AGTPBP1: variants seen among roughly 807,000 people sequenced by gnomAD.
The protein encoded by AGTPBP1 is ATP/GTP binding carboxypeptidase 1, also known as cytosolic carboxypeptidase 1.
In AGTPBP1, 70 loss-of-function variants were observed where a neutral mutation model predicts 143.9. The ratio of observed to expected loss-of-function variants is 0.49; its 90% CI spans 0.40 to 0.59. The LOEUF (loss-of-function observed/expected upper bound fraction) is 0.59. Among genes scored for constraint, AGTPBP1 ranks in the 20% least tolerant of loss-of-function variants. AGTPBP1 has a pLI of 0.00. For missense variants in AGTPBP1, 1,229 were observed against 1,464.5 expected (o/e 0.84, Z 2.62); for synonymous variants, 463 against 500.2 (o/e 0.93, Z 0.99).
At chr9:85,789,816 TG>T in the AGTPBP1 span, among the ~76,000 whole-genome samples, 1 of 152,150 alleles carries the variant, frequency 6.6e-6, no homozygotes, top group Non-Finnish European at 1.5e-5. Context: ...TAGAAAAAAA[TG>T]AAAGTCTTAT....
the AGTPBP1 span, among the ~76,000 whole-genome samples, chr9:85,781,921 G>A: frequency 2.6e-5 from 4 of 152,012 alleles, no homozygotes; most frequent in African/African-American, 9.7e-5. Flanking sequence ...ATACTATGAA[G>A]GTAATATATT....
upstream of AGTPBP1, among the ~76,000 whole-genome samples, chr9:85,743,963 T>C (rs1160538319): frequency 6.6e-6 from 1 of 150,928 alleles, no homozygotes; most frequent in Non-Finnish European, 1.5e-5. Flanking sequence ...TCTCACTCTG[T>C]TGCCAAGGCT....
the AGTPBP1 span, among the ~76,000 whole-genome samples, chr9:85,752,174 G>A: frequency 3.3e-5 from 5 of 152,150 alleles, no homozygotes; most frequent in Admixed American, 2.6e-4. Context: ...GGAGGCGGAG[G>A]TTGCAGTGAG....
At chr9:85,628,918 T>C (rs1325311557) in intron 14 of AGTPBP1, among the ~76,000 whole-genome samples, 5 of 152,058 alleles carry the variant, frequency 3.3e-5, no homozygotes, top group Non-Finnish European at 2.9e-5. Context: ...GGTTTTACTG[T>C]GTTGGCCAGG....
chr9:85,618,372 AGAG>A (rs1174358955), intron 17 of AGTPBP1, among the ~76,000 whole-genome samples: 2 of 152,228 alleles, frequency 1.3e-5, no homozygotes, highest in Non-Finnish European at 2.9e-5. Context: ...CAGCAAATTA[AGAG>A]GAGGGAACAC....
intron 17 of AGTPBP1, among the ~76,000 whole-genome samples, chr9:85,615,543 C>T (rs749145703): frequency 2.6e-5 from 4 of 151,940 alleles, no homozygotes; most frequent in Non-Finnish European, 5.9e-5. Context: ...AATTATTGTA[C>T]AGTTTTAAAA....
chr9:85,775,729 C>T, the AGTPBP1 span, among the ~76,000 whole-genome samples: 7 of 151,940 alleles, frequency 4.6e-5, no homozygotes, highest in Admixed American at 1.3e-4. Flanking sequence ...GTCTGATGTT[C>T]GAGGACAGGA....
rs10118561 is a variant in AGTPBP1 at position 85,718,719 on chromosome 9, G to C, written c.-33-6153C>G. Among the ~76,000 whole-genome samples the C allele has an allele frequency of 6.1e-3, 921 of 152,190 alleles. 9 individuals carry two copies. The highest frequency in any genetic ancestry group is 0.02 in the African/African-American group (851 of 41,528). On this transcript the variant is annotated intron_variant, in intron 1 of 25. Transcript: ENST00000357081. ...TTGGCTTTTGTTGCCATTGCTTTTG[G>C]TGTTTTAGTCATGAAATGTTTGCCC...
chr9:85,730,669 C>A (rs1012847262), intron 1 of AGTPBP1, among the ~76,000 whole-genome samples: 1 of 152,162 alleles, frequency 6.6e-6, no homozygotes, highest in Non-Finnish European at 1.5e-5. Context: ...TGAACTTGCC[C>A]TTTGACATAG....
chr9:85,665,923 AAC>A lies in AGTPBP1; in HGVS notation c.662+3560_662+3561del, dbSNP rs1433592305. Among the ~76,000 whole-genome samples, 3 of 152,298 alleles carry A rather than the reference AAC, an allele frequency of 2.0e-5. No homozygotes were observed. In the East Asian group the frequency reaches 5.8e-4, roughly 29 times the overall value. The stretch of plus-strand genomic sequence containing the variant: ...CACAAAGAAATTTCTGAAATTCTAT[AAC>A]ACTTATAAGCCAGAGTAAATTAATG... On this transcript the variant is annotated intron_variant, in intron 8 of 25. Coordinates refer to ENST00000357081, the MANE Select transcript of AGTPBP1 (RefSeq NM_001330701.2).
chr9:85,573,427 G>A (rs998531278), intron 25 of AGTPBP1, among the ~76,000 whole-genome samples: 4 of 152,218 alleles, frequency 2.6e-5, no homozygotes, highest in East Asian at 3.9e-4. Flanking sequence ...CCAGGCTGGA[G>A]TGCAGTGGCG....
chr9:85,561,955 C>T (rs963821916), intron 25 of AGTPBP1, among the ~76,000 whole-genome samples: 1 of 151,642 alleles, frequency 6.6e-6, no homozygotes, highest in Admixed American at 6.6e-5. Flanking sequence ...CTTCAGCCTC[C>T]CGAGTAGCTA....
chr9:85,642,166 T>C (rs1038931014), intron 13 of AGTPBP1, among the ~76,000 whole-genome samples: 46 of 152,282 alleles, frequency 3.0e-4, no homozygotes, highest in African/African-American at 1.0e-3. Context: ...CACTTTAAGA[T>C]CCTGGGCGAT....
At chr9:85,764,716 C>A in the AGTPBP1 span, 1 of 1,203,630 alleles carries the variant, frequency 8.3e-7, no homozygotes, top group Non-Finnish European at 1.2e-6. Flanking sequence ...AGGCCTTAAA[C>A]ACAGATAGTT....
At chr9:85,613,319 G>A (rs62566926) in intron 17 of AGTPBP1, among the ~76,000 whole-genome samples, 2,461 of 151,588 alleles carry the variant, frequency 0.016, 28 homozygotes, top group Middle Eastern at 0.055. Context: ...CCTGCAGAGA[G>A]GTAAAGAGAG....
At position 85,558,834 on chromosome 9, in the gene AGTPBP1, G is replaced by T. The variant is rs1587622185; in HGVS notation, c.3504-11548C>A. The stretch of plus-strand genomic sequence containing the variant: ...GGGTTTCACCACGTTGCCCAGGCTG[G>T]TCTCAAACTCCTAGACTCAAGACAT... On this transcript the variant is annotated intron_variant, in intron 25 of 25. Transcript: ENST00000357081. 5.3e-5 allele frequency among the ~76,000 whole-genome samples: 8 copies of T among 152,214 alleles called. No homozygotes were observed. In the South Asian group the frequency reaches 1.5e-3, roughly 28 times the overall value.
Position 85,655,253 on chromosome 9 carries a change from A to G in AGTPBP1, c.977T>C (p.Phe326Ser), listed in dbSNP as rs1438460606. ...NTSSLIMRKC[F>S]PKNRLPLPTI... ...TGGGAGTGGCAGTCGATTTTTTGGG[A>G]AACACTTCCTCATTATCAGACTGGA... The change falls in exon 11 of 26, where the codon TTC becomes TCC. Residue 326 changes from phenylalanine (F) to serine (S), a missense_variant. Phe to Ser is a radical substitution (Grantham distance 155). This residue lies in a region of AGTPBP1 where 743 missense variants were observed against 812.2 expected (regional missense o/e 0.91). Transcript: ENST00000357081. The G allele has an allele frequency of 6.3e-7, 1 of 1,590,342 alleles. No individual in the cohort carries two copies. Among genetic ancestry groups the G allele is most frequent in the Non-Finnish European group, 8.6e-7 (1 of 1,167,828 alleles).
the AGTPBP1 span, chr9:85,781,095 G>A: frequency 7.3e-7 from 1 of 1,362,536 alleles, no homozygotes; most frequent in Non-Finnish European, 9.5e-7. Context: ...ACTCTAGCCT[G>A]GGCGACAGTG....
At chr9:85,631,659 A>C (rs1221445885) in intron 14 of AGTPBP1, among the ~76,000 whole-genome samples, 3 of 151,944 alleles carry the variant, frequency 2.0e-5, no homozygotes, top group African/African-American at 7.2e-5. Flanking sequence ...GCTATAGGTA[A>C]AAAAAAATAA....
Sources: gnomAD v4.1 joint callset for allele counts (sites outside exome capture counted in the v4.1 genomes callset) on GRCh38, gnomAD v4.1.1 for gene constraint, gnomAD v4.1.1 regional missense constraint, MANE v1.5 for transcripts, NCBI Gene and HGNC (gene_info 2026-07-23, HGNC 2026-07-21) for gene names.